Variants in LRFN5 observed in about 807,000 individuals in gnomAD.
LRFN5 encodes the protein leucine-rich repeat and fibronectin type-III domain-containing protein 5.
LRFN5 carries 24 observed loss-of-function variants against 45.6 expected under a neutral mutation model. The observed-to-expected ratio is 0.53, with a 90% confidence interval of 0.38 to 0.74. LRFN5 has a LOEUF of 0.74. LRFN5 is among the 30% of genes least tolerant of loss of function. LRFN5 has a pLI of 0.00. For missense variants in LRFN5, 776 were observed against 861.5 expected (o/e 0.90, Z 1.24); for synonymous variants, 340 against 313.8 (o/e 1.08, Z -0.88).
chr14:41,812,514 A>G (rs1303031721), intron 2 of LRFN5, among the ~76,000 whole-genome samples: 1 of 151,884 alleles, frequency 6.6e-6, no homozygotes, highest in East Asian at 1.9e-4. Flanking sequence ...AACGATGGAC[A>G]AAGATTATTC....
At chr14:41,821,063 A>T (rs915062622) in intron 2 of LRFN5, among the ~76,000 whole-genome samples, 3 of 152,020 alleles carry the variant, frequency 2.0e-5, no homozygotes, top group Non-Finnish European at 4.4e-5. Context: ...ATAAATAGAG[A>T]CAAATTGAGT....
chr14:41,727,413 G>A (rs1463393483), intron 1 of LRFN5, among the ~76,000 whole-genome samples: 1 of 151,680 alleles, frequency 6.6e-6, no homozygotes, highest in African/African-American at 2.4e-5. Flanking sequence ...AGACCAGCCT[G>A]GGCAGCAAAG....
In LRFN5 at chr14:41,811,181, A is replaced by G. The variant is rs570966186; in HGVS notation, c.-21+44152A>G. Among the ~76,000 whole-genome samples the G allele has an allele frequency of 6.6e-5, 10 of 152,254 alleles. No homozygotes were observed. In the South Asian group the frequency reaches 2.1e-3, roughly 32 times the overall value. On this transcript the variant is annotated intron_variant, in intron 2 of 5. Transcript: ENST00000298119. ...AGCATATGAAATGGCATTCAAAATTATTAGCCATTAGAGACATGCAGATTA... is the reference window on the plus strand; with the variant it reads ...AGCATATGAAATGGCATTCAAAATTGTTAGCCATTAGAGACATGCAGATTA...
intron 2 of LRFN5, among the ~76,000 whole-genome samples, chr14:41,833,538 C>T (rs1221128417): frequency 1.3e-5 from 2 of 152,224 alleles, no homozygotes; most frequent in African/African-American, 4.8e-5. Flanking sequence ...AGGTACACTT[C>T]TCAAAGTCCT....
intron 2 of LRFN5, among the ~76,000 whole-genome samples, chr14:41,783,135 C>G (rs61988379): frequency 0.24 from 35,976 of 151,832 alleles, 4,950 homozygotes; most frequent in South Asian, 0.43. Flanking sequence ...AGAATGGTTA[C>G]TTTTCCCCTT....
chr14:41,886,043 G>T (rs373955035), intron 2 of LRFN5, among the ~76,000 whole-genome samples: 3 of 122,822 alleles, frequency 2.4e-5, no homozygotes, highest in Non-Finnish European at 5.1e-5. Flanking sequence ...AAAAAAAATA[G>T]TGAAGGTTGA....
intron 2 of LRFN5, among the ~76,000 whole-genome samples, chr14:41,767,997 A>C (rs1885948426): frequency 6.6e-6 from 1 of 152,132 alleles, no homozygotes; most frequent in African/African-American, 2.4e-5. Context: ...GTCACTGCAC[A>C]GAAAATTGAT....
At chr14:41,783,717 T>A (rs1055109087) in intron 2 of LRFN5, among the ~76,000 whole-genome samples, 11 of 152,280 alleles carry the variant, frequency 7.2e-5, no homozygotes, top group Middle Eastern at 6.8e-3. Flanking sequence ...GATGTTCTGT[T>A]ATTTTTTCAC....
intron 1 of LRFN5, among the ~76,000 whole-genome samples, chr14:41,711,053 C>T (rs530505797): frequency 2.0e-5 from 3 of 152,056 alleles, no homozygotes; most frequent in African/African-American, 7.2e-5. Flanking sequence ...CTGAAAATCA[C>T]TCAAAATAGT....
intron 2 of LRFN5, among the ~76,000 whole-genome samples, chr14:41,829,602 T>C (rs1402117496): frequency 6.6e-6 from 1 of 151,918 alleles, no homozygotes; most frequent in African/African-American, 2.4e-5. Context: ...TTAATCTGGT[T>C]ATTTTCTTAA....
At chr14:41,756,976 G>C (rs191781515) in intron 1 of LRFN5, among the ~76,000 whole-genome samples, 1 of 152,250 alleles carries the variant, frequency 6.6e-6, no homozygotes, top group African/African-American at 2.4e-5. Flanking sequence ...CCTTCTAACT[G>C]TCAGGACCCC....
At chr14:41,776,610 C>A (rs1886302022) in intron 2 of LRFN5, among the ~76,000 whole-genome samples, 1 of 152,040 alleles carries the variant, frequency 6.6e-6, no homozygotes, top group Admixed American at 6.6e-5. Flanking sequence ...CTGAGGGTGA[C>A]AGTCCTTTTT....
At chr14:41,821,860 T>C (rs1241777) in intron 2 of LRFN5, among the ~76,000 whole-genome samples, 2 of 151,058 alleles carry the variant, frequency 1.3e-5, no homozygotes, top group Non-Finnish European at 1.5e-5. Flanking sequence ...TCTACTCAAG[T>C]TTTCTATTTC....
At chr14:41,792,608 G>A (rs541675889) in intron 2 of LRFN5, among the ~76,000 whole-genome samples, 11 of 151,986 alleles carry the variant, frequency 7.2e-5, no homozygotes, top group South Asian at 4.2e-4. Context: ...CTACTTGCAC[G>A]TCTGTTTATA....
At chr14:41,815,827 G>T (rs1211958825) in intron 2 of LRFN5, among the ~76,000 whole-genome samples, 3 of 152,062 alleles carry the variant, frequency 2.0e-5, no homozygotes, top group Non-Finnish European at 2.9e-5. Context: ...ATTGGATCTT[G>T]TTTCTTGATC....
intron 1 of LRFN5, among the ~76,000 whole-genome samples, chr14:41,744,569 T>C (rs1451186064): frequency 1.3e-5 from 2 of 151,952 alleles, no homozygotes; most frequent in African/African-American, 4.8e-5. Context: ...CCACTCCAAT[T>C]CAGAGACACA....
At chr14:41,826,904 GTAAT>G (rs1208894085) in intron 2 of LRFN5, among the ~76,000 whole-genome samples, 5 of 152,088 alleles carry the variant, frequency 3.3e-5, no homozygotes, top group African/African-American at 4.8e-5. Context: ...CACAAAATAA[GTAAT>G]TATTTTGATT....
chr14:41,792,156 C>T (rs1269719579), intron 2 of LRFN5, among the ~76,000 whole-genome samples: 1 of 151,932 alleles, frequency 6.6e-6, no homozygotes, highest in East Asian at 1.9e-4. Context: ...CTCAGACCAG[C>T]AAGTTTTTAT....
intron 1 of LRFN5, among the ~76,000 whole-genome samples, chr14:41,649,794 C>G (rs570059901): frequency 6.6e-6 from 1 of 152,148 alleles, no homozygotes; most frequent in East Asian, 1.9e-4. Context: ...GAACTCCACA[C>G]TGCTCTTTGG....
Sources: gnomAD v4.1 joint callset for allele counts (sites outside exome capture counted in the v4.1 genomes callset) on GRCh38, gnomAD v4.1.1 for gene constraint, MANE v1.5 for transcripts, NCBI Gene and HGNC (gene_info 2026-07-23, HGNC 2026-07-21) for gene names.